The following NCAM2 variants were observed in gnomAD, a reference collection of about 807,000 sequenced individuals.
NCAM2 encodes the protein N-CAM-2.
NCAM2 carries 30 observed loss-of-function variants against 98.1 expected under a neutral mutation model. The ratio of observed to expected loss-of-function variants is 0.31; its 90% CI spans 0.23 to 0.41. NCAM2 has a LOEUF of 0.41. NCAM2 is among the 10% of genes least tolerant of loss of function. NCAM2 has a pLI of 1.00. For missense variants in NCAM2, 867 were observed against 1,005.8 expected, an observed-to-expected ratio of 0.86 and a Z score of 1.87; for synonymous variants, 368 against 342.4, an observed-to-expected ratio of 1.07 and a Z score of -0.83.
At chr21:21,441,033 C>G (rs1294583725) in intron 12 of NCAM2, among the ~76,000 whole-genome samples, 2 of 152,110 alleles carry the variant, frequency 1.3e-5, no homozygotes, top group African/African-American at 4.8e-5. Flanking sequence ...TGTAGTCTTC[C>G]AAATCAAAAT....
intron 5 of NCAM2, among the ~76,000 whole-genome samples, chr21:21,315,123 A>G (rs991584934): frequency 6.6e-6 from 1 of 152,050 alleles, no homozygotes; most frequent in East Asian, 1.9e-4. Context: ...ACAAATTCTG[A>G]CCATCTTTCT....
At chr21:21,249,084 TAATAA>T (rs2071389913) in intron 1 of NCAM2, among the ~76,000 whole-genome samples, 1 of 152,146 alleles carries the variant, frequency 6.6e-6, no homozygotes, top group African/African-American at 2.4e-5. Flanking sequence ...GTAAAAATAG[TAATAA>T]AATAATAATA....
At chr21:21,461,948 A>G (rs1215688730) in intron 12 of NCAM2, among the ~76,000 whole-genome samples, 2 of 152,022 alleles carry the variant, frequency 1.3e-5, no homozygotes, top group African/African-American at 4.8e-5. Context: ...TGTGTATAGA[A>G]ACAGTAAAAA....
intron 8 of NCAM2, among the ~76,000 whole-genome samples, chr21:21,341,373 TCATATTGTTAGTCTTCAAGC>T (rs2075029883): frequency 6.6e-6 from 1 of 152,128 alleles, no homozygotes; most frequent in Admixed American, 6.6e-5. Context: ...TCAGTTGGTG[TCATATTGTTAGTCTTCAAGC>T]CATATTTTGG....
chr21:21,495,484 C>G (rs892686067), intron 15 of NCAM2, among the ~76,000 whole-genome samples: 2 of 151,980 alleles, frequency 1.3e-5, no homozygotes, highest in African/African-American at 4.8e-5. Flanking sequence ...ACCATTGTGA[C>G]GATTCTGCTT....
At chr21:21,200,481 C>T (rs944287332) in intron 1 of NCAM2, among the ~76,000 whole-genome samples, 2 of 150,080 alleles carry the variant, frequency 1.3e-5, no homozygotes, top group Admixed American at 6.6e-5. Context: ...TACTTTTCAA[C>T]GTTTAAGAAA....
intron 1 of NCAM2, among the ~76,000 whole-genome samples, chr21:21,211,962 G>A (rs1305644436): frequency 6.6e-6 from 1 of 152,150 alleles, no homozygotes; most frequent in African/African-American, 2.4e-5. Flanking sequence ...TGATGGGAAT[G>A]TAAAATAGTA....
At chr21:21,193,492 CTT>C (rs768928139) in intron 1 of NCAM2, among the ~76,000 whole-genome samples, 6 of 123,778 alleles carry the variant, frequency 4.8e-5, no homozygotes, top group Non-Finnish European at 6.8e-5. Flanking sequence ...AGTACTTTTC[CTT>C]TTTTTTTTTT....
chr21:21,187,250 A>C (rs1013924164), intron 1 of NCAM2, among the ~76,000 whole-genome samples: 1 of 152,130 alleles, frequency 6.6e-6, no homozygotes, highest in Non-Finnish European at 1.5e-5. Context: ...CAAACAAACA[A>C]AAAACCCTGA....
At chr21:21,093,955 A>C (rs1275579797) in intron 1 of NCAM2, among the ~76,000 whole-genome samples, 4 of 151,924 alleles carry the variant, frequency 2.6e-5, no homozygotes, top group Non-Finnish European at 5.9e-5. Flanking sequence ...TCCTCAAGTA[A>C]ATTTCTCTGA....
At chr21:21,392,244 C>T (rs1204691171) in intron 9 of NCAM2, among the ~76,000 whole-genome samples, 4 of 152,100 alleles carry the variant, frequency 2.6e-5, no homozygotes, top group African/African-American at 7.2e-5. Context: ...GGATAATGGC[C>T]ACCAGATCCA....
intron 9 of NCAM2, among the ~76,000 whole-genome samples, chr21:21,394,100 T>G (rs372152679): frequency 6.6e-6 from 1 of 152,174 alleles, no homozygotes; most frequent in East Asian, 1.9e-4. Flanking sequence ...TATGCTGAGA[T>G]GTATGCATAA....
intron 1 of NCAM2, among the ~76,000 whole-genome samples, chr21:21,011,207 G>A (rs1456254434): frequency 6.6e-6 from 1 of 151,526 alleles, no homozygotes; most frequent in Non-Finnish European, 1.5e-5. Context: ...TTCAAAGCAT[G>A]TAGGACATCT....
At chr21:21,347,115 A>G (rs987052716) in intron 8 of NCAM2, among the ~76,000 whole-genome samples, 1 of 152,044 alleles carries the variant, frequency 6.6e-6, no homozygotes, top group South Asian at 2.1e-4. Context: ...CAAAATTTAC[A>G]AAGCTTTAGA....
At chr21:21,276,930 T>C (rs1408254929) in intron 1 of NCAM2, among the ~76,000 whole-genome samples, 1 of 152,054 alleles carries the variant, frequency 6.6e-6, no homozygotes, top group African/African-American at 2.4e-5. Context: ...TATAAATAAA[T>C]TAATTAATTT....
At chr21:21,358,660 A>T (rs182884261) in intron 8 of NCAM2, among the ~76,000 whole-genome samples, 1 of 152,154 alleles carries the variant, frequency 6.6e-6, no homozygotes, top group African/African-American at 2.4e-5. Context: ...GTTTATATAA[A>T]ATAGAGCTTA....
intron 1 of NCAM2, among the ~76,000 whole-genome samples, chr21:21,190,350 A>G (rs1408602813): frequency 6.6e-6 from 1 of 152,226 alleles, no homozygotes; most frequent in Admixed American, 6.5e-5. Flanking sequence ...GGGCATTACC[A>G]ATCAAGTAAG....
intron 10 of NCAM2, among the ~76,000 whole-genome samples, chr21:21,411,294 T>G (rs2076883355): frequency 6.7e-6 from 1 of 148,864 alleles, no homozygotes; most frequent in Non-Finnish European, 1.5e-5. Flanking sequence ...AAAATTTGTC[T>G]TCAATGTTGA....
chr21:21,139,301 G>A (rs2067120890), intron 1 of NCAM2, among the ~76,000 whole-genome samples: 1 of 152,232 alleles, frequency 6.6e-6, no homozygotes, highest in South Asian at 2.1e-4. Flanking sequence ...CAGAGGGAAT[G>A]TGTCCCTGCT....
Sources: gnomAD v4.1 joint callset for allele counts (sites outside exome capture counted in the v4.1 genomes callset) on GRCh38, gnomAD v4.1.1 for gene constraint, MANE v1.5 for transcripts, NCBI Gene and HGNC (gene_info 2026-07-23, HGNC 2026-07-21) for gene names.